FAT2: variants seen among roughly 807,000 people sequenced by gnomAD.
FAT2 encodes the protein protocadherin Fat 2.
In FAT2, 150 loss-of-function variants were observed where a neutral mutation model predicts 295.3. The observed-to-expected ratio is 0.51, with a 90% CI of 0.44 to 0.58. The LOEUF (loss-of-function observed/expected upper bound fraction) is 0.58, where lower values mean the gene tolerates loss of function less well. Among genes scored for constraint, FAT2 ranks in the 20% least tolerant of loss-of-function variants. The pLI is 0.00. For missense variants in FAT2, 4,868 were observed against 5,442.7 expected (o/e 0.89, Z 3.32); for synonymous variants, 2,026 against 2,150.3 (o/e 0.94, Z 1.60).
At chr5:151,539,105 T>C (rs1755831882) in intron 11 of FAT2, among the ~76,000 whole-genome samples, 2 of 152,136 alleles carry the variant, frequency 1.3e-5, no homozygotes. Context: ...AAGTTGGTTG[T>C]AATGATGGCT....
chr5:151,506,220 CTG>C, intron 23 of FAT2, 123 bp from the exon 24 acceptor site: 2 of 1,029,300 alleles, frequency 1.9e-6, no homozygotes, highest in Non-Finnish European at 2.7e-6. Flanking sequence ...ATAGGCCCAT[CTG>C]TGCAGGTTGT....
At chr5:151,557,112 G>A (rs1757766733) in intron 3 of FAT2, among the ~76,000 whole-genome samples, 1 of 152,174 alleles carries the variant, frequency 6.6e-6, no homozygotes, top group Non-Finnish European at 1.5e-5. Context: ...GCAACCAGTA[G>A]GGTTACTGGT....
At chr5:151,593,225 A>C (rs1759482818), upstream of FAT2, among the ~76,000 whole-genome samples, 2 of 152,248 alleles carry the variant, frequency 1.3e-5, no homozygotes, top group South Asian at 4.1e-4. Context: ...CCGATTAGGC[A>C]TTAACCAGAG....
rs1756041312 is a variant in FAT2, at chr5:151,540,701, T to G, written c.8905A>C (p.Arg2969=). 1.9e-6 allele frequency: 3 copies of G among 1,614,224 alleles called. No individual in the cohort carries two copies. Among genetic ancestry groups the G allele is most frequent in the Non-Finnish European group, 2.5e-6 (3 of 1,180,038 alleles). The change falls in exon 11 of 24, where the codon AGG becomes CGG. Residue 2969 remains arginine, a synonymous_variant. Coordinates refer to ENST00000261800, the MANE Select transcript of FAT2 (RefSeq NM_001447.3). ...QVGDEWRISS[R]KTLDREHTAK... ...GTATGCTCGCGGTCCAGGGTCTTCC[T>G]TGAGGAAATCCTCCACTCATCTCCA...
chr5:151,567,114 T>C lies in FAT2; in HGVS notation c.1818A>G (p.Glu606=), dbSNP rs1428616394. The change falls in exon 2 of 24, where the codon GAA becomes GAG. Residue 606 remains glutamate, a synonymous_variant. Transcript: ENST00000261800. ...AATGATTTAGATCAAAATACTCTAG[T>C]TCATTGCCTGATACAATCTCGTATT... ...NLKYEIVSGN[E]LEYFDLNHFS... 1.2e-6 allele frequency: 2 copies of C among 1,614,056 alleles called. No homozygotes were observed. Among genetic ancestry groups the C allele is most frequent in the African/African-American group, 2.7e-5 (2 of 74,914 alleles).
intron 20 of FAT2, among the ~76,000 whole-genome samples, chr5:151,514,886 G>A (rs1447202366): frequency 3.3e-5 from 5 of 152,022 alleles, no homozygotes; most frequent in Admixed American, 6.6e-5. Flanking sequence ...ATCTTTGTTC[G>A]TTCACCACTA....
chr5:151,569,839 A>G (rs1343942482), intron 1 of FAT2, among the ~76,000 whole-genome samples: 1 of 152,224 alleles, frequency 6.6e-6, no homozygotes, highest in Non-Finnish European at 1.5e-5. Flanking sequence ...GTTTCCGCAC[A>G]TGCAGAGGCT....
Position 151,563,439 on chromosome 5 carries a change from T to C in FAT2, c.3460A>G (p.Thr1154Ala), listed in dbSNP as rs2127641808. ...CAGGCATCCAGTTGAAGCACAGAGG[T>C]GCCCACGGGAGCATCCTCCTGGATG... Reference protein sequence around the residue: ...PSIQEDAPVGTSVLQLDAWDP... With the variant: ...PSIQEDAPVGASVLQLDAWDP... The change falls in exon 3 of 24, where the codon ACC becomes GCC. Residue 1154 changes from threonine to alanine, a missense_variant. Thr to Ala is a moderately conservative substitution (Grantham distance 58, BLOSUM62 0). This residue lies in a region of FAT2 where 3,297 missense variants were observed against 3,669.4 expected (regional missense o/e 0.90). Transcript: ENST00000261800. 6.2e-7 allele frequency: 1 copy of C among 1,614,156 alleles called. No homozygotes were observed. Among genetic ancestry groups the C allele is most frequent in the Non-Finnish European group, 8.5e-7 (1 of 1,180,036 alleles).
intron 4 of FAT2, 45 bp downstream of exon 4, chr5:151,556,299 A>T (rs751281877): frequency 1.3e-6 from 2 of 1,564,944 alleles, no homozygotes; most frequent in South Asian, 1.1e-5. Context: ...AAGGCCTAAC[A>T]TGGCTCCACA....
intron 19 of FAT2, among the ~76,000 whole-genome samples, chr5:151,518,574 AT>A (rs1354207068): frequency 6.6e-6 from 1 of 152,160 alleles, no homozygotes; most frequent in Non-Finnish European, 1.5e-5. Flanking sequence ...GCAGGAGTTA[AT>A]CATTTAGGTA....
intron 3 of FAT2, among the ~76,000 whole-genome samples, chr5:151,561,435 G>A (rs1218389564): frequency 6.6e-6 from 1 of 152,050 alleles, no homozygotes; most frequent in African/African-American, 2.4e-5. Context: ...CTGTCACCCA[G>A]GCTGGAGACC....
Position 151,512,735 on chromosome 5 carries a change from C to T in FAT2, c.11464-129G>A. ...GAGGGGGGTGTTTGGCTGTTTTAGACATGGCATTTGCAGAGCATAAAAACC... is the reference window on the plus strand; with the variant it reads ...GAGGGGGGTGTTTGGCTGTTTTAGATATGGCATTTGCAGAGCATAAAAACC... On this transcript the variant is annotated intron_variant, in intron 20 of 23. Transcript: ENST00000261800. The surrounding 1 kb of genome is among the most constrained non-coding windows in gnomAD (Gnocchi z 4.1). 2.4e-6 allele frequency: 2 copies of T among 834,526 alleles called. No homozygotes were observed. Among genetic ancestry groups the T allele is most frequent in the Non-Finnish European group, 3.7e-6 (2 of 536,824 alleles). The allele number at this position is 834,526 out of a possible 1,614,324, so 51.7% of individuals were successfully genotyped here.
In FAT2 at chr5:151,566,674, A is replaced by G; in HGVS notation, c.2258T>C (p.Val753Ala). The G allele has an allele frequency of 6.2e-7, 1 of 1,614,222 alleles. No individual in the cohort carries two copies. Among genetic ancestry groups the G allele is most frequent in the Non-Finnish European group, 8.5e-7 (1 of 1,180,050 alleles). ...DAGFNGKLVYVIADGNEEGCF... is the reference protein window; with the variant it reads ...DAGFNGKLVYAIADGNEEGCF... Reference sequence around the variant, plus strand: ...GCCCTCCTCATTGCCATCTGCAATCACATAGACCAGTTTGCCATTAAAACC... The same window carrying G: ...GCCCTCCTCATTGCCATCTGCAATCGCATAGACCAGTTTGCCATTAAAACC... Residue 753 changes from valine (V) to alanine (A), a missense_variant, in exon 2 of 24, where the codon GTG (valine) becomes GCG (alanine). Physicochemically the swap from Val to Ala is moderately conservative, Grantham distance 64. Transcript: ENST00000261800.
intron 1 of FAT2, among the ~76,000 whole-genome samples, chr5:151,590,693 G>A (rs1344562091): frequency 6.6e-6 from 1 of 152,204 alleles, no homozygotes; most frequent in Admixed American, 6.5e-5. Context: ...AGCTTTGTCT[G>A]TGATAAGGTT....
rs746940049 is a variant in FAT2, at chr5:151,563,609, C to A, written c.3290G>T (p.Arg1097Leu). 1 of 1,614,130 alleles carries A rather than the reference C, an allele frequency of 6.2e-7. No individual in the cohort carries two copies. The highest frequency in any genetic ancestry group is 8.5e-7 in the Non-Finnish European group (1 of 1,180,038). Residue 1097 changes from arginine (R) to leucine (L), a missense_variant, in exon 3 of 24, where the codon CGA becomes CTA. Physicochemically the swap from Arg to Leu is moderately radical, Grantham distance 102. This residue lies in a region of FAT2 where 3,297 missense variants were observed against 3,669.4 expected (regional missense o/e 0.90). Transcript: ENST00000261800. The part of the protein sequence containing the change: ...GMIQTLAPLD[R>L]EFASYYWLTV... ...CAACCAGTAGTAAGATGCAAATTCTCGGTCCAGGGGTGCCAGAGTCTGAAT... is the reference window on the plus strand; with the variant it reads ...CAACCAGTAGTAAGATGCAAATTCTAGGTCCAGGGGTGCCAGAGTCTGAAT...
At chr5:151,560,552 C>G (rs575514809) in intron 3 of FAT2, among the ~76,000 whole-genome samples, 1 of 152,338 alleles carries the variant, frequency 6.6e-6, no homozygotes, top group East Asian at 1.9e-4. Flanking sequence ...GCATAACCAC[C>G]CCTGTTCCAT....
At chr5:151,582,986 T>C (rs905726489) in intron 1 of FAT2, among the ~76,000 whole-genome samples, 1 of 152,116 alleles carries the variant, frequency 6.6e-6, no homozygotes, top group Admixed American at 6.5e-5. Context: ...TGGAAGTCTC[T>C]GAGCCTACAC....
rs749867328 is a variant in FAT2 at position 151,553,246 on chromosome 5, G to T, written c.4087C>A (p.Pro1363Thr). The change falls in exon 6 of 24, where the codon CCT (proline) becomes ACT (threonine). Residue 1363 changes from proline to threonine, a missense_variant. This residue lies in a region of FAT2 where 3,297 missense variants were observed against 3,669.4 expected (regional missense o/e 0.90). Coordinates refer to ENST00000261800, the MANE Select transcript of FAT2 (RefSeq NM_001447.3). The part of the protein sequence containing the change: ...YYSFTVMETD[P>T]VNHMVGVISV... ...ATGACCCCCACCATGTGGTTCACAG[G>T]GTCCGTCTCCATGACCGTAAAGCTG... 1.2e-6 allele frequency: 2 copies of T among 1,614,210 alleles called. No homozygotes were observed. The highest frequency in any genetic ancestry group is 1.7e-6 in the Non-Finnish European group (2 of 1,180,030).
chr5:151,525,860 CGTT>C lies in FAT2; in HGVS notation c.10411_10413del (p.Asn3471del). The C allele has an allele frequency of 6.2e-7, 1 of 1,614,092 alleles. No individual in the cohort carries two copies. The highest frequency in any genetic ancestry group is 8.5e-7 in the Non-Finnish European group (1 of 1,179,984). ...TCCGGGGTCACTCGGAAGGCAGAGC[CGTT>C]GTTCCCCTTGGTGATTCGAAACGAG... On this transcript the variant is annotated inframe_deletion, in exon 18 of 24. Transcript: ENST00000261800.
Sources: gnomAD v4.1 joint callset for allele counts (sites outside exome capture counted in the v4.1 genomes callset) on GRCh38, gnomAD v4.1.1 for gene constraint, gnomAD v4.1.1 regional missense constraint, Gnocchi (gnomAD v3.1) non-coding constraint, MANE v1.5 for transcripts, NCBI Gene and HGNC (gene_info 2026-07-23, HGNC 2026-07-21) for gene names.